Variants in ANKS1B observed in about 807,000 individuals in gnomAD.
ANKS1B encodes ankyrin repeat and sterile alpha motif domain-containing protein 1B.
Under a neutral mutation model 148.3 loss-of-function variants are expected in ANKS1B, and 36 were observed. The ratio of observed to expected loss-of-function variants is 0.24; its 90% confidence interval spans 0.19 to 0.32. The LOEUF (loss-of-function observed/expected upper bound fraction) is 0.32. ANKS1B is among the 10% of genes least tolerant of loss of function. ANKS1B has a pLI of 1.00. For synonymous variants in ANKS1B, 542 were observed against 560.8 expected, an observed-to-expected ratio of 0.97 and a Z score of 0.47; for missense variants, 1,157 against 1,542.6, an observed-to-expected ratio of 0.75 and a Z score of 4.19.
intron 15 of ANKS1B, among the ~76,000 whole-genome samples, chr12:99,090,915 C>A (rs576982851): frequency 6.6e-6 from 1 of 152,100 alleles, no homozygotes; most frequent in Non-Finnish European, 1.5e-5. Flanking sequence ...CTTCTTCCAA[C>A]TTTAACTTCC....
At chr12:99,066,812 TTCTC>T (rs2044513991) in intron 16 of ANKS1B, among the ~76,000 whole-genome samples, 1 of 152,202 alleles carries the variant, frequency 6.6e-6, no homozygotes, top group South Asian at 2.1e-4. Context: ...ATCATCCTTG[TTCTC>T]TAACATGGAT....
intron 8 of ANKS1B, among the ~76,000 whole-genome samples, chr12:99,755,533 A>G (rs773609103): frequency 4.6e-5 from 7 of 151,692 alleles, no homozygotes; most frequent in Non-Finnish European, 7.4e-5. Flanking sequence ...CCTGGCAAAG[A>G]TACCACAAAA....
intron 15 of ANKS1B, among the ~76,000 whole-genome samples, chr12:99,109,775 G>A (rs1323687937): frequency 1.3e-5 from 2 of 152,160 alleles, no homozygotes; most frequent in Non-Finnish European, 2.9e-5. Context: ...AACATACTAT[G>A]TCATCTTAAC....
chr12:99,720,359 G>C (rs2057948523), intron 8 of ANKS1B, among the ~76,000 whole-genome samples: 2 of 152,170 alleles, frequency 1.3e-5, no homozygotes, highest in Non-Finnish European at 2.9e-5. Context: ...GGTCTAAGAA[G>C]GCCACCGCAG....
intron 14 of ANKS1B, among the ~76,000 whole-genome samples, chr12:99,158,013 G>A (rs1424425215): frequency 6.6e-6 from 1 of 152,048 alleles, no homozygotes; most frequent in East Asian, 1.9e-4. Context: ...TTGACAAAAT[G>A]TTATAATATA....
At chr12:99,741,206 AACACACAC>A (rs774613671) in intron 8 of ANKS1B, among the ~76,000 whole-genome samples, 60 of 135,402 alleles carry the variant, frequency 4.4e-4, no homozygotes, top group African/African-American at 1.4e-3. Flanking sequence ...GGCTCCGTCA[AACACACAC>A]ACACACACAC....
At chr12:99,632,234 C>A (rs1024500533) in intron 9 of ANKS1B, among the ~76,000 whole-genome samples, 11 of 152,122 alleles carry the variant, frequency 7.2e-5, no homozygotes, top group African/African-American at 2.7e-4. Context: ...AATGTTAATT[C>A]TGTAGGCTTG....
chr12:99,790,756 T>C (rs1363946383), intron 4 of ANKS1B, among the ~76,000 whole-genome samples: 2 of 151,574 alleles, frequency 1.3e-5, no homozygotes, highest in Admixed American at 6.6e-5. Flanking sequence ...TAAAAAAACA[T>C]ACAATGGGTA....
intron 9 of ANKS1B, among the ~76,000 whole-genome samples, chr12:99,591,725 G>GC (rs2097704764): frequency 6.6e-6 from 1 of 151,958 alleles, no homozygotes; most frequent in Non-Finnish European, 1.5e-5. Flanking sequence ...CCCATTCCAG[G>GC]CCCATATCTA....
At chr12:99,103,653 T>C (rs532822160) in intron 15 of ANKS1B, among the ~76,000 whole-genome samples, 98 of 152,326 alleles carry the variant, frequency 6.4e-4, no homozygotes, top group South Asian at 1.4e-3. Flanking sequence ...CTTCTTTTCA[T>C]CTTCTTCAAC....
chr12:98,948,947 C>CTTTTTTTTTTTTTTTTTTTTTTTTTT lies in ANKS1B; in HGVS notation c.2778+104209_2778+104210insAAAAAAAAAAAAAAAAAAAAAAAAAA, dbSNP rs869145338. 1.5e-4 allele frequency among the ~76,000 whole-genome samples: 13 copies of CTTTTTTTTTTTTTTTTTTTTTTTTTT among 84,862 alleles called. 4 individuals carry two copies. Among genetic ancestry groups the CTTTTTTTTTTTTTTTTTTTTTTTTTT allele is most frequent in the African/African-American group, 4.8e-4 (7 of 14,736 alleles). 55.7% of individuals were successfully genotyped at this position (84,862 alleles called of 152,430 possible). On this transcript the variant is annotated intron_variant, in intron 17 of 26. Transcript: ENST00000683438. The stretch of plus-strand genomic sequence containing the variant: ...AGGGGTGAGATATGAGCATGAGCTA[C>CTTTTTTTTTTTTTTTTTTTTTTTTTT]TTTTTTTTTTTTTTTTTTTTTTTGA...
chr12:99,936,000 G>C (rs1450236041), intron 1 of ANKS1B, among the ~76,000 whole-genome samples: 4 of 152,148 alleles, frequency 2.6e-5, no homozygotes, highest in Non-Finnish European at 5.9e-5. Flanking sequence ...GGCAGCAGGA[G>C]AAAGAATGAG....
chr12:98,808,743 C>T (rs1307159713), intron 19 of ANKS1B, among the ~76,000 whole-genome samples: 2 of 152,192 alleles, frequency 1.3e-5, no homozygotes, highest in African/African-American at 4.8e-5. Context: ...ACCGACTGAG[C>T]TCTTGGCTTG....
At chr12:99,937,835 G>T (rs2094818294) in intron 1 of ANKS1B, among the ~76,000 whole-genome samples, 1 of 152,128 alleles carries the variant, frequency 6.6e-6, no homozygotes, top group African/African-American at 2.4e-5. Context: ...ACATTGTCTA[G>T]TAGGTGGGTG....
chr12:99,172,846 G>A (rs1202789250), intron 14 of ANKS1B, among the ~76,000 whole-genome samples: 4 of 152,100 alleles, frequency 2.6e-5, no homozygotes, highest in Non-Finnish European at 4.4e-5. Flanking sequence ...TATATGCACT[G>A]AATAAATATT....
chr12:99,503,446 G>A (rs1191738774), intron 10 of ANKS1B, among the ~76,000 whole-genome samples: 3 of 152,118 alleles, frequency 2.0e-5, no homozygotes, highest in Non-Finnish European at 2.9e-5. Flanking sequence ...TAAACTAGCT[G>A]AGTCTTAACT....
intron 12 of ANKS1B, among the ~76,000 whole-genome samples, chr12:99,396,736 T>C (rs1228372290): frequency 6.6e-6 from 1 of 152,108 alleles, no homozygotes; most frequent in African/African-American, 2.4e-5. Flanking sequence ...TAAATTTCTA[T>C]TGCTTTTAAT....
intron 12 of ANKS1B, among the ~76,000 whole-genome samples, chr12:99,271,662 C>CTATATATACATATATATA (rs2077051832): frequency 1.1e-5 from 1 of 94,222 alleles, no homozygotes; most frequent in African/African-American, 4.7e-5. Flanking sequence ...AGTCAATAAA[C>CTATATATACATATATATA]TATATATATA....
chr12:99,905,104 A>C (rs1048538376), intron 1 of ANKS1B, among the ~76,000 whole-genome samples: 2 of 152,184 alleles, frequency 1.3e-5, no homozygotes, highest in Admixed American at 6.5e-5. Context: ...GTAATGGCCT[A>C]TCTCTCCTTC....
Sources: gnomAD v4.1 joint callset for allele counts (sites outside exome capture counted in the v4.1 genomes callset) on GRCh38, gnomAD v4.1.1 for gene constraint, MANE v1.5 for transcripts, NCBI Gene and HGNC (gene_info 2026-07-23, HGNC 2026-07-21) for gene names.